The following NAT10 variants were observed in gnomAD, a reference collection of about 807,000 sequenced individuals.
NAT10 encodes RNA cytidine acetyltransferase.
A neutral mutation model predicts 132.2 loss-of-function variants in NAT10; 109 were observed. The ratio of observed to expected loss-of-function variants is 0.82; its 90% CI spans 0.71 to 0.97. The LOEUF is 0.97. NAT10 is among the 50% of genes least tolerant of loss of function. The pLI is 0.00. For missense variants in NAT10, 1,184 were observed against 1,263.4 expected, an observed-to-expected ratio of 0.94 and a Z score of 0.95; for synonymous variants, 479 against 478.0, an observed-to-expected ratio of 1.00 and a Z score of -0.03.
At chr11:34,136,022 T>TAG (rs905951889) in intron 19 of NAT10, among the ~76,000 whole-genome samples, 2 of 151,516 alleles carry the variant, frequency 1.3e-5, no homozygotes, top group Admixed American at 6.6e-5. Flanking sequence ...TGTCAGGTGA[T>TAG]AGAACCTGGA....
rs764683148 is a variant in NAT10, at chr11:34,108,760, A to G, written c.127A>G (p.Met43Val). The G allele has an allele frequency of 2.5e-6, 4 of 1,613,202 alleles. No homozygotes were observed. Among genetic ancestry groups the G allele is most frequent in the East Asian group, 2.2e-5 (1 of 44,866 alleles). Reference sequence around the variant, plus strand: ...TTGGCAGGTGGTAATACTTCATCACATGTTATCCAAAGCAACTGTGAAGGC... The same window carrying G: ...TTGGCAGGTGGTAATACTTCATCACGTGTTATCCAAAGCAACTGTGAAGGC... ...GKDQVVILHH[M>V]LSKATVKARP... The change falls in exon 3 of 29, where the codon ATG (methionine) becomes GTG (valine). Residue 43 changes from methionine (M) to valine (V), a missense_variant. By Grantham distance (21) the Met-to-Val change is conservative. Transcript: ENST00000257829.
intron 28 of NAT10, among the ~76,000 whole-genome samples, 156 bp downstream of exon 28, chr11:34,143,684 C>T (rs1408567219): frequency 6.6e-6 from 1 of 152,228 alleles, no homozygotes; most frequent in Non-Finnish European, 1.5e-5. Flanking sequence ...ATTACCCTTG[C>T]AGTGCATGTC....
chr11:34,114,525 C>T (rs566824737), intron 5 of NAT10, among the ~76,000 whole-genome samples: 1 of 152,262 alleles, frequency 6.6e-6, no homozygotes, highest in South Asian at 2.1e-4. Context: ...GGGGCTGTTT[C>T]CTGTCATTAC....
Position 34,140,435 on chromosome 11 carries a change from C to G in NAT10, c.2455C>G (p.Pro819Ala). ...GGAGGAGCTGGAAGCACTCTTCCTC[C>G]CCTATGACCTGAAGCGGCTGGAGAT... is the stretch of plus-strand genomic sequence containing the variant. ...SREELEALFL[P>A]YDLKRLEMYS... The change falls in exon 24 of 29, where the codon CCC becomes GCC. Residue 819 changes from proline (P) to alanine (A), a missense_variant. Coordinates refer to ENST00000257829, the MANE Select transcript of NAT10 (RefSeq NM_024662.3). 1 of 1,614,072 alleles carries G rather than the reference C, an allele frequency of 6.2e-7. No homozygotes were observed. Among genetic ancestry groups the G allele is most frequent in the East Asian group, 2.2e-5 (1 of 44,878 alleles).
chr11:34,141,407 A>ACCACACACACACACACACAC (rs1852326496), intron 25 of NAT10, among the ~76,000 whole-genome samples, 199 bp downstream of exon 25: 1 of 81,104 alleles, frequency 1.2e-5, no homozygotes, highest in African/African-American at 4.3e-5. Context: ...CTCATCACAC[A>ACCACACACACACACACACAC]TCACACACAC....
chr11:34,106,274 C>G (rs1042132030), intron 1 of NAT10: 4 of 152,240 alleles, frequency 2.6e-5, no homozygotes, highest in Non-Finnish European at 5.9e-5. Context: ...TGGTGCCTGC[C>G]ACATAGATGT....
rs1430779416 is a variant in NAT10 at position 34,136,744 on chromosome 11, G to A, written c.2131G>A (p.Val711Ile). 2 of 1,614,158 alleles carry A rather than the reference G, an allele frequency of 1.2e-6. No individual in the cohort carries two copies. The highest frequency in any genetic ancestry group is 1.7e-6 in the Non-Finnish European group (2 of 1,180,022). The change falls in exon 20 of 29, where the codon GTT becomes ATT. Residue 711 changes from valine to isoleucine, a missense_variant. By Grantham distance (29) the Val-to-Ile change is conservative. Transcript: ENST00000257829. ...TGCCGAACGCCTGGATTACCTGGGTGTTTCCTATGGCTTGACCCCCAGGCT... is the reference window on the plus strand; with the variant it reads ...TGCCGAACGCCTGGATTACCTGGGTATTTCCTATGGCTTGACCCCCAGGCT... ...RPAERLDYLGVSYGLTPRLLK... is the reference protein window; with the variant it reads ...RPAERLDYLGISYGLTPRLLK...
At chr11:34,107,419 C>T (rs1249801664) in intron 1 of NAT10, 1 of 152,180 alleles carries the variant, frequency 6.6e-6, no homozygotes, top group African/African-American at 2.4e-5. Flanking sequence ...ATTGATTTCC[C>T]TGACTTTATT....
At position 34,135,296 on chromosome 11, in the gene NAT10, G is replaced by A; in HGVS notation, c.2028+5G>A. The stretch of plus-strand genomic sequence containing the variant: ...ATTCACACCGTAAGCAGCGAGGTAA[G>A]CATCTTTCGACAGACCTCCTGTGTC... On this transcript the variant is annotated splice_donor_5th_base_variant and intron_variant, in intron 19 of 28. Transcript: ENST00000257829. 1.9e-6 allele frequency: 3 copies of A among 1,612,324 alleles called. No individual in the cohort carries two copies. The highest frequency in any genetic ancestry group is 2.5e-6 in the Non-Finnish European group (3 of 1,178,382).
At chr11:34,124,191 C>G (rs113494926) in intron 10 of NAT10, 111 bp from the exon 11 acceptor site, 1 of 700,786 alleles carries the variant, frequency 1.4e-6, no homozygotes, top group Non-Finnish European at 2.4e-6. Context: ...TATTTTGATA[C>G]AGTGCTGGGT....
At chr11:34,124,455 C>A in intron 11 of NAT10, 55 bp downstream of exon 11, 1 of 1,317,556 alleles carries the variant, frequency 7.6e-7, no homozygotes. Flanking sequence ...CTGTATTTAA[C>A]TGGCTCTAAG....
intron 3 of NAT10, among the ~76,000 whole-genome samples, chr11:34,110,558 C>T (rs1480993998): frequency 3.0e-5 from 4 of 134,856 alleles, no homozygotes; most frequent in Non-Finnish European, 3.1e-5. Flanking sequence ...TTTTTCTTTC[C>T]CTTTTTTTTT....
intron 8 of NAT10, among the ~76,000 whole-genome samples, chr11:34,119,770 T>G (rs1170475073): frequency 6.6e-6 from 1 of 152,182 alleles, no homozygotes; most frequent in Non-Finnish European, 1.5e-5. Context: ...GTGTAAGTGG[T>G]CCCCTGTTAG....
At chr11:34,142,138 A>G (rs1590193783) in intron 26 of NAT10, 137 bp from the exon 27 acceptor site, 2 of 800,562 alleles carry the variant, frequency 2.5e-6, no homozygotes, top group East Asian at 5.1e-5. Flanking sequence ...AAAGCTGCCT[A>G]CAAGGTTTTT....
rs1168049162 is a variant in NAT10, at chr11:34,130,799, G to A, written c.1245-14G>A. 1 of 1,613,778 alleles carries A rather than the reference G, an allele frequency of 6.2e-7. No individual in the cohort carries two copies. Among genetic ancestry groups the A allele is most frequent in the South Asian group, 1.1e-5 (1 of 91,012 alleles). ...TGGGACCTTGTGCCTGATTCCTTTT[G>A]CCTTTGTTTCTAGCTATGAGGGCAC... On this transcript the variant is annotated splice_polypyrimidine_tract_variant and intron_variant, in intron 12 of 28. Transcript: ENST00000257829.
intron 8 of NAT10, among the ~76,000 whole-genome samples, chr11:34,121,395 G>A (rs1159072808): frequency 6.6e-6 from 1 of 152,114 alleles, no homozygotes; most frequent in Non-Finnish European, 1.5e-5. Flanking sequence ...ATTCGCTGAC[G>A]AATCAAGTTA....
At chr11:34,110,698 G>A (rs1329577446) in intron 3 of NAT10, among the ~76,000 whole-genome samples, 3 of 151,026 alleles carry the variant, frequency 2.0e-5, no homozygotes, top group African/African-American at 7.3e-5. Context: ...ACATTGAGTT[G>A]GATGTGTTGT....
At chr11:34,128,171 T>C (rs1043429019) in intron 12 of NAT10, among the ~76,000 whole-genome samples, 1 of 151,894 alleles carries the variant, frequency 6.6e-6, no homozygotes, top group African/African-American at 2.4e-5. Context: ...CTGACCAACA[T>C]GGTAAAACCC....
intron 8 of NAT10, 77 bp downstream of exon 8, chr11:34,118,580 G>A (rs976317296): frequency 2.7e-5 from 32 of 1,187,038 alleles, no homozygotes; most frequent in African/African-American, 2.0e-4. Context: ...GCCAAGGTAC[G>A]TTGACTCAAG....
Sources: allele counts gnomAD v4.1 joint callset (sites outside exome capture counted in the v4.1 genomes callset), GRCh38; gene constraint gnomAD v4.1.1; transcripts MANE v1.5; gene names NCBI Gene and HGNC (gene_info 2026-07-23, HGNC 2026-07-21).